SLAIN1: variants seen among roughly 807,000 people sequenced by gnomAD.
SLAIN1 encodes the protein SLAIN family member 1, also known as SLAIN motif-containing protein 1.
Under a neutral mutation model 55.4 loss-of-function variants are expected in SLAIN1, and 17 were observed. The observed-to-expected ratio is 0.31, with a 90% CI of 0.21 to 0.46. The LOEUF (loss-of-function observed/expected upper bound fraction) is 0.46, where lower values mean the gene tolerates loss of function less well. Among genes scored for constraint, SLAIN1 ranks in the 20% least tolerant of loss-of-function variants. The pLI is 1.00. For synonymous variants in SLAIN1, 348 were observed against 337.4 expected (o/e 1.03, Z -0.35); for missense variants, 682 against 785.1 (o/e 0.87, Z 1.57).
Position 77,697,982 on chromosome 13 carries a change from G to C in SLAIN1, c.69G>C (p.Val23=), listed in dbSNP as rs2090990616. 1.4e-6 allele frequency: 2 copies of C among 1,448,678 alleles called. No homozygotes were observed. The highest frequency in any genetic ancestry group is 2.5e-4 in the Middle Eastern group (1 of 4,030). The allele number at this position is 1,448,678 out of a possible 1,614,324, so 89.7% of individuals were successfully genotyped here. Residue 23 remains valine (V), a synonymous_variant, in exon 1 of 7, where the codon GTG becomes GTC. Transcript: ENST00000418532. ...VSSGAGSGPV[V]NAELEVKKLQ... ...CTGGAGCGGGCTCCGGGCCGGTGGT[G>C]AACGCGGAGCTGGAGGTGAAGAAGC...
chr13:77,763,029 A>G (rs1875169581), intron 6 of SLAIN1, 116 bp from the exon 7 acceptor site: 5 of 786,230 alleles, frequency 6.4e-6, no homozygotes, highest in Non-Finnish European at 1.1e-5. Context: ...AGATGGTGCC[A>G]GTGGCTTCTC....
chr13:77,706,102 C>CTTT (rs2091086842), intron 1 of SLAIN1, among the ~76,000 whole-genome samples: 1 of 152,098 alleles, frequency 6.6e-6, no homozygotes, highest in Admixed American at 6.6e-5. Context: ...TTCACATAGG[C>CTTT]ATCACTTTAT....
intron 4 of SLAIN1, among the ~76,000 whole-genome samples, chr13:77,750,167 G>A (rs1416444845): frequency 2.0e-5 from 3 of 152,102 alleles, no homozygotes; most frequent in Non-Finnish European, 4.4e-5. Flanking sequence ...GTTTAGCAAA[G>A]CAAACAAAAG....
At chr13:77,722,699 A>ATAGAAAGTTATATTCAAGCC (rs1418681015) in intron 2 of SLAIN1, among the ~76,000 whole-genome samples, 1 of 152,130 alleles carries the variant, frequency 6.6e-6, no homozygotes. Context: ...ATATATTATG[A>ATAGAAAGTTATATTCAAGCC]TAGAAAGTTA....
At chr13:77,728,473 C>T (rs928144686) in intron 2 of SLAIN1, among the ~76,000 whole-genome samples, 1 of 152,148 alleles carries the variant, frequency 6.6e-6, no homozygotes, top group Non-Finnish European at 1.5e-5. Context: ...GTGTACTTTT[C>T]ACAAATAGTG....
Position 77,698,352 on chromosome 13 carries a change from T to G in SLAIN1, c.439T>G (p.Phe147Val). The change falls in exon 1 of 7, where the codon TTC (phenylalanine) becomes GTC (valine). Residue 147 changes from phenylalanine (F) to valine (V), a missense_variant. This residue lies in a region of SLAIN1 where 401 missense variants were observed against 417.3 expected (regional missense o/e 0.96). Coordinates refer to ENST00000418532, the MANE Select transcript of SLAIN1 (RefSeq NM_001242868.2). The surrounding 1 kb of genome is among the most constrained non-coding windows in gnomAD (Gnocchi z 4.1). ...CSLAQPPEAPFVYFKPAAGFF... is the reference protein window; with the variant it reads ...CSLAQPPEAPVVYFKPAAGFF... ...CCTGGCGCAGCCACCCGAGGCGCCC[T>G]TCGTCTACTTCAAGCCGGCAGCAGG... 1 of 1,444,228 alleles carries G rather than the reference T, an allele frequency of 6.9e-7. No individual in the cohort carries two copies. The highest frequency in any genetic ancestry group is 9.1e-7 in the Non-Finnish European group (1 of 1,100,178). 89.5% of individuals were successfully genotyped at this position (1,444,228 alleles called of 1,614,324 possible). A position where few individuals can be genotyped will look rare whatever the true frequency, so the allele number is the denominator to read the frequency against.
At chr13:77,719,042 G>A (rs1049027037) in intron 1 of SLAIN1, among the ~76,000 whole-genome samples, 1 of 151,982 alleles carries the variant, frequency 6.6e-6, no homozygotes, top group South Asian at 2.1e-4. Flanking sequence ...ATTATGTAAG[G>A]GTTCAAAGAA....
Position 77,698,427 on chromosome 13 carries a change from C to A in SLAIN1, c.514C>A (p.Pro172Thr). ...GGPEPGGAGT[P>T]PGAAAAPPSP... Reference sequence around the variant, plus strand: ...GCCGGAGCCGGGGGGCGCGGGGACGCCGCCAGGGGCAGCTGCAGCGCCGCC... The same window carrying A: ...GCCGGAGCCGGGGGGCGCGGGGACGACGCCAGGGGCAGCTGCAGCGCCGCC... The change falls in exon 1 of 7, where the codon CCG (proline) becomes ACG (threonine). Residue 172 changes from proline (P) to threonine (T), a missense_variant. By Grantham distance (38) the Pro-to-Thr change is conservative. Around this residue, in one of 3 missense-constraint regions of SLAIN1, gnomAD observed 401 missense variants for 417.3 expected, o/e 0.96. Coordinates refer to ENST00000418532, the MANE Select transcript of SLAIN1 (RefSeq NM_001242868.2). This position sits in a 1 kb window ranked among gnomAD's most constrained non-coding sequence, Gnocchi z 4.1. 1 of 1,406,446 alleles carries A rather than the reference C, an allele frequency of 7.1e-7. No homozygotes were observed. The highest frequency in any genetic ancestry group is 1.5e-5 in the South Asian group (1 of 65,446). The allele number at this position is 1,406,446 out of a possible 1,614,324, so 87.1% of individuals were successfully genotyped here.
At chr13:77,738,203 C>T (rs9544588) in intron 2 of SLAIN1, among the ~76,000 whole-genome samples, 1 of 142,984 alleles carries the variant, frequency 7.0e-6, no homozygotes, top group African/African-American at 2.6e-5. Flanking sequence ...CACCCACACA[C>T]ACACACACAT....
intron 2 of SLAIN1, among the ~76,000 whole-genome samples, chr13:77,733,755 T>A (rs938838516): frequency 1.3e-5 from 2 of 152,184 alleles, no homozygotes; most frequent in East Asian, 3.9e-4. Flanking sequence ...ACTGTGAACA[T>A]CTGCTTCAAA....
chr13:77,702,815 A>T (rs1043114846), intron 1 of SLAIN1, among the ~76,000 whole-genome samples: 5 of 152,226 alleles, frequency 3.3e-5, no homozygotes, highest in African/African-American at 1.2e-4. Context: ...GTGCAGTAGA[A>T]TAGAAAATCA....
intron 4 of SLAIN1, 130 bp from the exon 5 acceptor site, chr13:77,753,073 C>A: frequency 2.3e-6 from 2 of 863,160 alleles, no homozygotes; most frequent in Non-Finnish European, 3.3e-6. Context: ...GGTTAGAAAG[C>A]TTGATCATCA....
chr13:77,756,193 A>G (rs1049356140), intron 5 of SLAIN1, among the ~76,000 whole-genome samples: 4 of 152,012 alleles, frequency 2.6e-5, no homozygotes. Context: ...GGGTGGTTAT[A>G]TATGTTACAT....
At chr13:77,727,072 T>A (rs890502589) in intron 2 of SLAIN1, among the ~76,000 whole-genome samples, 1 of 152,178 alleles carries the variant, frequency 6.6e-6, no homozygotes, top group East Asian at 1.9e-4. Flanking sequence ...TCTGTTGGTA[T>A]AAAGTTAACT....
intron 2 of SLAIN1, among the ~76,000 whole-genome samples, chr13:77,728,031 T>C (rs1161475219): frequency 6.6e-6 from 1 of 152,202 alleles, no homozygotes; most frequent in African/African-American, 2.4e-5. Flanking sequence ...TTAGGGATCT[T>C]ACACTGAAAA....
chr13:77,742,915 T>G, intron 2 of SLAIN1: 1 of 746,582 alleles, frequency 1.3e-6, no homozygotes, highest in Non-Finnish European at 1.8e-6. Flanking sequence ...AAAAGTTGCT[T>G]TGTCTTTTTT....
Position 77,697,824 on chromosome 13 carries a change from A to C in SLAIN1, c.-90A>C. ...GTGGTCGGCCCCCCAGGCCGGGGCG[A>C]CAGGGAAGGAGCCGTAGCCTCCCCG... On this transcript the variant is annotated 5_prime_UTR_variant, in exon 1 of 7. Transcript: ENST00000418532. 8.5e-7 allele frequency: 1 copy of C among 1,182,060 alleles called. No individual in the cohort carries two copies. Among genetic ancestry groups the C allele is most frequent in the Non-Finnish European group, 1.0e-6 (1 of 956,298 alleles). The allele number at this position is 1,182,060 out of a possible 1,614,324, so 73.2% of individuals were successfully genotyped here.
At chr13:77,723,977 TGAGTGACTTCTATGTACCA>T (rs2091285878) in intron 2 of SLAIN1, among the ~76,000 whole-genome samples, 1 of 151,864 alleles carries the variant, frequency 6.6e-6, no homozygotes, top group Non-Finnish European at 1.5e-5. Flanking sequence ...TGCTGCATAT[TGAGTGACTTCTATGTACCA>T]GGTACCATTG....
chr13:77,713,107 C>T (rs1010163052), intron 1 of SLAIN1, among the ~76,000 whole-genome samples: 10 of 152,094 alleles, frequency 6.6e-5, no homozygotes, highest in African/African-American at 2.2e-4. Context: ...CGTAAAAACC[C>T]TAGAAGAAAA....
Sources: gnomAD v4.1 joint callset for allele counts (sites outside exome capture counted in the v4.1 genomes callset) on GRCh38, gnomAD v4.1.1 for gene constraint, gnomAD v4.1.1 regional missense constraint, Gnocchi (gnomAD v3.1) non-coding constraint, MANE v1.5 for transcripts, NCBI Gene and HGNC (gene_info 2026-07-23, HGNC 2026-07-21) for gene names.